SLC6A6: variants seen among roughly 807,000 people sequenced by gnomAD.
SLC6A6 encodes the protein sodium- and chloride-dependent taurine transporter.
In SLC6A6, 16 loss-of-function variants were observed where a neutral mutation model predicts 68.8. That is an observed-to-expected ratio of 0.23 (90% CI 0.16 to 0.35). The LOEUF (loss-of-function observed/expected upper bound fraction) is 0.35, where lower values mean the gene tolerates loss of function less well. Among genes scored for constraint, SLC6A6 ranks in the 10% least tolerant of loss-of-function variants. The pLI is 1.00. For synonymous variants in SLC6A6, 312 were observed against 315.4 expected (o/e 0.99, Z 0.12); for missense variants, 474 against 802.8 (o/e 0.59, Z 4.95).
chr3:14,415,321 T>G (rs572131241), intron 1 of SLC6A6, among the ~76,000 whole-genome samples: 10 of 152,294 alleles, frequency 6.6e-5, no homozygotes, highest in Admixed American at 1.3e-4. Context: ...ATCATCTAAT[T>G]TGGGGGACAG....
intron 1 of SLC6A6, among the ~76,000 whole-genome samples, chr3:14,413,638 A>G (rs1485154794): frequency 1.3e-5 from 2 of 151,654 alleles, no homozygotes; most frequent in Non-Finnish European, 2.9e-5. Context: ...AGAGCCCTCC[A>G]GGCAATTCTG....
chr3:14,475,511 A>G (rs1700856124), intron 10 of SLC6A6, among the ~76,000 whole-genome samples: 1 of 152,178 alleles, frequency 6.6e-6, no homozygotes, highest in Non-Finnish European at 1.5e-5. Context: ...AGATCCTCCC[A>G]TTTCACGGAG....
intron 12 of SLC6A6, 23 bp downstream of exon 12, chr3:14,478,591 C>G: frequency 1.4e-6 from 2 of 1,410,854 alleles, no homozygotes; most frequent in Non-Finnish European, 1.0e-6. Context: ...TTTTTCATGT[C>G]CTTTCTCAAG....
intron 7 of SLC6A6, among the ~76,000 whole-genome samples, chr3:14,467,039 C>T (rs756902920): frequency 4.6e-5 from 7 of 152,164 alleles, no homozygotes; most frequent in Non-Finnish European, 1.0e-4. Flanking sequence ...TGGAGAGCTG[C>T]GGGCTTCCTT....
intron 6 of SLC6A6, among the ~76,000 whole-genome samples, chr3:14,459,741 G>A (rs1700453224): frequency 6.6e-6 from 1 of 152,148 alleles, no homozygotes; most frequent in African/African-American, 2.4e-5. Context: ...GGGAGGTCAA[G>A]TGACTTGTCC....
intron 2 of SLC6A6, among the ~76,000 whole-genome samples, chr3:14,427,816 C>T (rs1367464501): frequency 2.0e-5 from 3 of 152,212 alleles, no homozygotes; most frequent in Non-Finnish European, 2.9e-5. Context: ...TGGGGTTGCT[C>T]TGCAGGTCCA....
At chr3:14,451,604 T>C (rs1362658601) in intron 5 of SLC6A6, among the ~76,000 whole-genome samples, 1 of 152,172 alleles carries the variant, frequency 6.6e-6, no homozygotes, top group East Asian at 1.9e-4. Flanking sequence ...AGGGAGGTGG[T>C]GTGACTGAAT....
chr3:14,412,235 T>C (rs1405651746), intron 1 of SLC6A6, among the ~76,000 whole-genome samples: 1 of 152,192 alleles, frequency 6.6e-6, no homozygotes, highest in Non-Finnish European at 1.5e-5. Context: ...AAAGGAGGTG[T>C]CCCGATTTGG....
chr3:14,464,694 C>T (rs1395769049), intron 6 of SLC6A6, among the ~76,000 whole-genome samples: 3 of 152,212 alleles, frequency 2.0e-5, no homozygotes, highest in African/African-American at 4.8e-5. Flanking sequence ...GTGTCTGTTA[C>T]ATACTTGGGC....
chr3:14,462,570 G>A (rs373884674), intron 6 of SLC6A6, among the ~76,000 whole-genome samples: 16 of 152,182 alleles, frequency 1.1e-4, no homozygotes, highest in South Asian at 2.1e-4. Flanking sequence ...ATCGTGGCGC[G>A]TACCTGTAGT....
At chr3:14,447,471 G>A in intron 4 of SLC6A6, 111 bp from the exon 5 acceptor site, 2 of 1,357,902 alleles carry the variant, frequency 1.5e-6, no homozygotes, top group South Asian at 2.7e-5. Context: ...CTGTTGAAAG[G>A]CCTCTTGTGG....
At position 14,409,910 on chromosome 3, in the gene SLC6A6, A is replaced by G. The variant is rs528534834; in HGVS notation, c.-53-6502A>G. On this transcript the variant is annotated intron_variant, in intron 1 of 14. Transcript: ENST00000622186. Reference sequence around the variant, plus strand: ...GCCATCAAAAGAGCCATTGTTGGCCAGGCACACTGGCTCACGTCTGTAATC... The same window carrying G: ...GCCATCAAAAGAGCCATTGTTGGCCGGGCACACTGGCTCACGTCTGTAATC... Among the ~76,000 whole-genome samples the G allele has an allele frequency of 3.9e-5, 6 of 152,340 alleles. No individual in the cohort carries two copies. In the East Asian group the frequency reaches 7.7e-4, roughly 20 times the overall value.
At chr3:14,465,110 C>T (rs1428599246) in intron 6 of SLC6A6, among the ~76,000 whole-genome samples, 3 of 152,192 alleles carry the variant, frequency 2.0e-5, no homozygotes, top group African/African-American at 7.2e-5. Context: ...AGTGCCCTGC[C>T]TGAAACACTA....
intron 2 of SLC6A6, among the ~76,000 whole-genome samples, chr3:14,434,387 G>A (rs1372717278): frequency 1.3e-5 from 2 of 152,208 alleles, no homozygotes; most frequent in African/African-American, 4.8e-5. Flanking sequence ...TGTTTTCTGT[G>A]TGCTGGGCAC....
rs190244031 is a variant in SLC6A6 at position 14,470,182 on chromosome 3, A to G, written c.1096+1970A>G. Among the ~76,000 whole-genome samples, 4 of 152,308 alleles carry G rather than the reference A, an allele frequency of 2.6e-5. No individual in the cohort carries two copies. In the East Asian group the frequency reaches 7.7e-4, roughly 29 times the overall value. On this transcript the variant is annotated intron_variant, in intron 9 of 14. Transcript: ENST00000622186. ...ATGTATCTTCCTCCATGGACAACGA[A>G]GTATTTTCGTAGACACATATATTGT...
At chr3:14,480,254 C>G (rs1442482207) in intron 13 of SLC6A6, among the ~76,000 whole-genome samples, 2 of 152,228 alleles carry the variant, frequency 1.3e-5, no homozygotes, top group Admixed American at 6.5e-5. Flanking sequence ...AGCCAGTAAC[C>G]ACAACAATTG....
chr3:14,438,230 T>A (rs370877153), intron 2 of SLC6A6, among the ~76,000 whole-genome samples: 17 of 150,038 alleles, frequency 1.1e-4, no homozygotes, highest in African/African-American at 3.7e-4. Flanking sequence ...TTTTTTTTTT[T>A]AAAGCTACTA....
chr3:14,405,315 G>T (rs1034575470), intron 1 of SLC6A6, among the ~76,000 whole-genome samples: 2 of 152,166 alleles, frequency 1.3e-5, no homozygotes, highest in African/African-American at 4.8e-5. Context: ...AAGGCAGTCC[G>T]GGCTCTGGGG....
chr3:14,414,992 G>A (rs1415467224), intron 1 of SLC6A6, among the ~76,000 whole-genome samples: 1 of 152,192 alleles, frequency 6.6e-6, no homozygotes, highest in Non-Finnish European at 1.5e-5. Context: ...GTATGGTCTA[G>A]GATAGCAAGG....
Sources: gnomAD v4.1 joint callset for allele counts (sites outside exome capture counted in the v4.1 genomes callset) on GRCh38, gnomAD v4.1.1 for gene constraint, MANE v1.5 for transcripts, NCBI Gene and HGNC (gene_info 2026-07-23, HGNC 2026-07-21) for gene names.